Variants in NOTCH2NLR observed in about 807,000 individuals in gnomAD.
The protein encoded by NOTCH2NLR is notch 2 N-terminal like R, also known as notch 2 N-terminal like R (pseudogene).
Under a neutral mutation model 35.6 loss-of-function variants are expected in NOTCH2NLR, and 33 were observed. That is an observed-to-expected ratio of 0.93 (90% CI 0.70 to 1.24). The LOEUF is 1.24. NOTCH2NLR is among the 50% of genes most tolerant of loss of function. NOTCH2NLR has a pLI of 0.00. For synonymous variants in NOTCH2NLR, 103 were observed against 141.0 expected (o/e 0.73, Z 1.91); for missense variants, 276 against 362.2 (o/e 0.76, Z 1.93).
chr1:120,763,511 A>G lies in NOTCH2NLR; in HGVS notation c.74-117A>G, dbSNP rs1488198064. ...ACATAAAAAACTGATTAAAACTCTA[A>G]AAAGAAACCCAGATTAGGTGGGAAT... is the stretch of plus-strand genomic sequence containing the variant. On this transcript the variant is annotated intron_variant, in intron 1 of 4. Transcript: ENST00000624419. 6.2e-6 allele frequency: 3 copies of G among 483,024 alleles called. 1 individual carries two copies. The highest frequency in any genetic ancestry group is 4.0e-5 in the South Asian group (2 of 50,430). The allele number at this position is 483,024 out of a possible 1,614,324, so 29.9% of individuals were successfully genotyped here.
rs1391948729 is a variant in NOTCH2NLR at position 120,793,615 on chromosome 1, G to T, written c.751+119G>T. The T allele has an allele frequency of 4.3e-5, 32 of 744,696 alleles. 4 individuals are homozygous for T. Among genetic ancestry groups the T allele is most frequent in the Admixed American group, 7.3e-5 (3 of 40,830 alleles). The allele number at this position is 744,696 out of a possible 1,614,324, so 46.1% of individuals were successfully genotyped here. The stretch of plus-strand genomic sequence containing the variant: ...GGAAAAAGGGAAGTGAGAATTTTGT[G>T]TGGGGTGGGTTGCTAGTGAGGGAGG... On this transcript the variant is annotated intron_variant, in intron 4 of 4. Coordinates refer to ENST00000624419, the Ensembl canonical transcript of NOTCH2NLR.
In NOTCH2NLR at chr1:120,739,197, GT is replaced by G. The variant is rs1199144303; in HGVS notation, c.73+14954del. ...ACAGAACAAGCATAAAGACAAGCTT[GT>G]TTTTTTCCTTTTCTGTGGATTTGTT... On this transcript the variant is annotated intron_variant, in intron 1 of 4. Coordinates refer to ENST00000624419, the Ensembl canonical transcript of NOTCH2NLR. 2.8e-5 allele frequency among the ~76,000 whole-genome samples: 2 copies of G among 70,616 alleles called. 1 individual carries two copies. Among genetic ancestry groups the G allele is most frequent in the Non-Finnish European group, 5.0e-5 (2 of 39,996 alleles). 46.3% of individuals were successfully genotyped at this position (70,616 alleles called of 152,430 possible).
At chr1:120,751,376 G>A in intron 1 of NOTCH2NLR, among the ~76,000 whole-genome samples, 1 of 11,964 alleles carries the variant, frequency 8.4e-5, no homozygotes, top group East Asian at 3.9e-3. Flanking sequence ...CTCGGAGGAA[G>A]ATAGAAAACT....
intron 3 of NOTCH2NLR, among the ~76,000 whole-genome samples, chr1:120,789,497 A>G (rs1222482853): frequency 2.6e-5 from 3 of 113,650 alleles, no homozygotes; most frequent in Admixed American, 2.6e-4. Context: ...GAAGAAGCAA[A>G]AGCAGAACCC....
chr1:120,776,104 C>T (rs1651304817), intron 2 of NOTCH2NLR, among the ~76,000 whole-genome samples: 1 of 116,422 alleles, frequency 8.6e-6, no homozygotes, highest in South Asian at 2.5e-4. Flanking sequence ...TGACCTTTTG[C>T]TTCTGCACTG....
rs1215759103 is a variant in NOTCH2NLR at position 120,785,182 on chromosome 1, C to A, written c.364C>A (p.His122Asn). The A allele has an allele frequency of 9.2e-5, 133 of 1,445,540 alleles. 34 individuals are homozygous for A. The highest frequency in any genetic ancestry group is 9.9e-5 in the Non-Finnish European group (107 of 1,081,652). 89.5% of individuals were successfully genotyped at this position (1,445,540 alleles called of 1,614,324 possible). The change falls in exon 3 of 5, where the codon CAT (histidine) becomes AAT (asparagine). Residue 122 changes from histidine (H) to asparagine (N), a missense_variant. Transcript: ENST00000624419. Reference sequence around the variant, plus strand: ...ACCTTGCCTGAATGGCGGCACATGCCATATGCTCAGCCGGGATACCTATGA... The same window carrying A: ...ACCTTGCCTGAATGGCGGCACATGCAATATGCTCAGCCGGGATACCTATGA...
At position 120,756,623 on chromosome 1, in the gene NOTCH2NLR, G is replaced by C. The variant is rs1237438442; in HGVS notation, c.74-7005G>C. On this transcript the variant is annotated intron_variant, in intron 1 of 4. Transcript: ENST00000624419. The stretch of plus-strand genomic sequence containing the variant: ...ATGCAACAAGTAAAACACATTGAAG[G>C]CTTCTCAGATTACACTGGCTGAAGT... 2.5e-5 allele frequency among the ~76,000 whole-genome samples: 3 copies of C among 117,926 alleles called. 1 individual carries two copies. The East Asian group carries it at 6.3e-4, about 25-fold the overall frequency. 77.4% of individuals were successfully genotyped at this position (117,926 alleles called of 152,430 possible).
At chr1:120,789,570 T>C (rs1428079303) in intron 3 of NOTCH2NLR, among the ~76,000 whole-genome samples, 2 of 98,788 alleles carry the variant, frequency 2.0e-5, no homozygotes. Context: ...CAGGAAAGAC[T>C]GGCCCCCATG....
At chr1:120,778,610 TAAAAAAAAAAA>T (rs1207692493) in intron 2 of NOTCH2NLR, among the ~76,000 whole-genome samples, 1 of 37,910 alleles carries the variant, frequency 2.6e-5, no homozygotes, top group East Asian at 5.8e-4. Context: ...ATCCTCGTTT[TAAAAAAAAAAA>T]AAAAAAAAAA....
At position 120,768,031 on chromosome 1, in the gene NOTCH2NLR, C is replaced by A. The variant is rs1248095991; in HGVS notation, c.155+4322C>A. Among the ~76,000 whole-genome samples the A allele has an allele frequency of 1.9e-4, 21 of 108,954 alleles. 3 individuals carry two copies. The highest frequency in any genetic ancestry group is 1.5e-3 in the Admixed American group (17 of 11,276). The allele number at this position is 108,954 out of a possible 152,430, so 71.5% of individuals were successfully genotyped here. On this transcript the variant is annotated intron_variant, in intron 2 of 4. Coordinates refer to ENST00000624419, the Ensembl canonical transcript of NOTCH2NLR. ...TGGTAGTTTTACATTACTTACTGGA[C>A]ATTGTGGGTGATAGATTTTAAAGTT...
chr1:120,765,794 G>A (rs1387467870), intron 2 of NOTCH2NLR, among the ~76,000 whole-genome samples: 1 of 128,662 alleles, frequency 7.8e-6, no homozygotes, highest in Non-Finnish European at 1.6e-5. Context: ...GGAATACTAT[G>A]CAGCCATAAA....
chr1:120,756,046 G>A lies in NOTCH2NLR; in HGVS notation c.74-7582G>A, dbSNP rs1651077015. Among the ~76,000 whole-genome samples, 11 of 110,514 alleles carry A rather than the reference G, an allele frequency of 1.0e-4. 3 individuals carry two copies. Among genetic ancestry groups the A allele is most frequent in the African/African-American group, 2.7e-4 (5 of 18,294 alleles). The allele number at this position is 110,514 out of a possible 152,430, so 72.5% of individuals were successfully genotyped here. On this transcript the variant is annotated intron_variant, in intron 1 of 4. Coordinates refer to ENST00000624419, the Ensembl canonical transcript of NOTCH2NLR. ...GTACCACTTGGGATTTGAAGCTTCC[G>A]CACTTCTTCTGTTTGTTTGGATTTT...
At chr1:120,777,655 CTTTCT>C (rs1651313772) in intron 2 of NOTCH2NLR, among the ~76,000 whole-genome samples, 1 of 19,958 alleles carries the variant, frequency 5.0e-5, no homozygotes, top group African/African-American at 9.9e-4. Flanking sequence ...TCCTTTTTTT[CTTTCT>C]TTTTTTTTTG....
Position 120,793,440 on chromosome 1 carries a change from A to G in NOTCH2NLR, c.695A>G (p.Asn232Ser), listed in dbSNP as rs1467969206. ...CCCTGTGCACACTCGCCTTGTGTCA[A>G]TGGAGGCACCTGTCGGCAGACTGGT... The change falls in exon 4 of 5, where the codon AAT becomes AGT. Residue 232 changes from asparagine (N) to serine (S), a missense_variant. Asn to Ser is a conservative substitution (Grantham distance 46). Coordinates refer to ENST00000624419, the Ensembl canonical transcript of NOTCH2NLR. The G allele has an allele frequency of 1.2e-5, 18 of 1,441,520 alleles. 3 individuals carry two copies. The Middle Eastern group carries it at 5.4e-4, about 43-fold the overall frequency. The allele number at this position is 1,441,520 out of a possible 1,614,324, so 89.3% of individuals were successfully genotyped here. A position where few individuals can be genotyped will look rare whatever the true frequency, so the allele number is the denominator to read the frequency against.
intron 1 of NOTCH2NLR, among the ~76,000 whole-genome samples, chr1:120,758,876 T>A: frequency 1.3e-5 from 1 of 78,912 alleles, no homozygotes; most frequent in Non-Finnish European, 2.2e-5. Context: ...GCATACCTCC[T>A]CAGGGAGGCC....
At chr1:120,764,450 T>C in intron 2 of NOTCH2NLR, among the ~76,000 whole-genome samples, 1 of 89,670 alleles carries the variant, frequency 1.1e-5, no homozygotes, top group Admixed American at 1.1e-4. Context: ...AAAAATCTAA[T>C]TCTGAAAGTG....
At chr1:120,755,933 C>CTTTTTT (rs1168463033) in intron 1 of NOTCH2NLR, among the ~76,000 whole-genome samples, 1 of 87,304 alleles carries the variant, frequency 1.1e-5, no homozygotes, top group Non-Finnish European at 2.0e-5. Context: ...TCTCTTATTG[C>CTTTTTT]TTTTTTTTTT....
intron 1 of NOTCH2NLR, among the ~76,000 whole-genome samples, chr1:120,752,518 G>GT (rs1651027639): frequency 5.2e-4 from 11 of 21,264 alleles, no homozygotes; most frequent in African/African-American, 3.5e-3. Flanking sequence ...TGAAGTTCAG[G>GT]AATATATATA....
chr1:120,728,832 A>G (rs1650844551), intron 1 of NOTCH2NLR, among the ~76,000 whole-genome samples: 1 of 111,350 alleles, frequency 9.0e-6, no homozygotes, highest in Non-Finnish European at 1.7e-5. Flanking sequence ...TTTTGAACCA[A>G]GAGAGTCCCC....
Sources: gnomAD v4.1 joint callset for allele counts (sites outside exome capture counted in the v4.1 genomes callset) on GRCh38, gnomAD v4.1.1 for gene constraint, MANE v1.5 for transcripts, NCBI Gene and HGNC (gene_info 2026-07-23, HGNC 2026-07-21) for gene names.